The following CSMD3 variants were observed in gnomAD, a reference collection of about 807,000 sequenced individuals.
The protein encoded by CSMD3 is CUB and Sushi multiple domains 3, also known as CUB and sushi domain-containing protein 3.
CSMD3 carries 177 observed loss-of-function variants against 435.2 expected under a neutral mutation model. The ratio of observed to expected loss-of-function variants is 0.41; its 90% CI spans 0.36 to 0.46. The LOEUF (loss-of-function observed/expected upper bound fraction) is 0.46, where lower values mean the gene tolerates loss of function less well. Among genes scored for constraint, CSMD3 ranks in the 20% least tolerant of loss-of-function variants. CSMD3 has a pLI of 0.34. For synonymous variants in CSMD3, 1,656 were observed against 1,520.5 expected (o/e 1.09, Z -2.07); for missense variants, 4,265 against 4,504.6 (o/e 0.95, Z 1.52).
intron 1 of CSMD3, among the ~76,000 whole-genome samples, chr8:113,363,299 T>A (rs13281918): frequency 0.64 from 97,079 of 152,074 alleles, 32,531 homozygotes; most frequent in Admixed American, 0.75. Context: ...TGTTTGTATA[T>A]TTCAAAGTCC....
chr8:112,665,681 G>A (rs566938198), intron 17 of CSMD3, among the ~76,000 whole-genome samples: 2 of 152,194 alleles, frequency 1.3e-5, no homozygotes, highest in African/African-American at 2.4e-5. Flanking sequence ...TGATTTGTAA[G>A]TTGTGATTCA....
intron 27 of CSMD3, among the ~76,000 whole-genome samples, chr8:112,532,299 C>A (rs1825618310): frequency 6.6e-6 from 1 of 151,456 alleles, no homozygotes; most frequent in Admixed American, 6.6e-5. Flanking sequence ...AAAATATATT[C>A]AAAGAAATGA....
intron 6 of CSMD3, among the ~76,000 whole-genome samples, chr8:112,976,969 ATG>A (rs1199476874): frequency 1.3e-5 from 2 of 151,894 alleles, no homozygotes; most frequent in Non-Finnish European, 1.5e-5. Context: ...ATATGTGCGC[ATG>A]TGTGTGTGTA....
intron 5 of CSMD3, among the ~76,000 whole-genome samples, chr8:113,041,208 A>G (rs1387693158): frequency 8.3e-6 from 1 of 120,564 alleles, no homozygotes; most frequent in African/African-American, 3.1e-5. Flanking sequence ...TCCGTCTTAA[A>G]AAAAAAAAAG....
intron 1 of CSMD3, among the ~76,000 whole-genome samples, chr8:113,368,477 C>G (rs1252983157): frequency 6.6e-6 from 1 of 152,084 alleles, no homozygotes; most frequent in South Asian, 2.1e-4. Context: ...TAAATGAGAA[C>G]TTTCTTTTGC....
At chr8:112,873,066 C>G (rs1275184654) in intron 10 of CSMD3, among the ~76,000 whole-genome samples, 1 of 151,966 alleles carries the variant, frequency 6.6e-6, no homozygotes, top group African/African-American at 2.4e-5. Context: ...CATCCTTTCC[C>G]AAATTATCCA....
At chr8:113,222,793 G>T (rs1214097739) in intron 3 of CSMD3, among the ~76,000 whole-genome samples, 3 of 150,898 alleles carry the variant, frequency 2.0e-5, no homozygotes, top group Non-Finnish European at 4.5e-5. Flanking sequence ...TTTTTATAAT[G>T]ATTCCCATGG....
intron 30 of CSMD3, among the ~76,000 whole-genome samples, chr8:112,497,151 T>C (rs1454547057): frequency 6.6e-6 from 1 of 151,552 alleles, no homozygotes; most frequent in African/African-American, 2.4e-5. Flanking sequence ...TTGTGGGAGA[T>C]AAAAATTGAA....
rs975179747 is a variant in CSMD3 at position 113,340,383 on chromosome 8, T to G, written c.179-25590A>C. On this transcript the variant is annotated intron_variant, in intron 1 of 70. Transcript: ENST00000297405. ...ATATATTATACACACCCAGAAGACA[T>G]AAATACTGCTTTAACCACTCAATAT... 1.1e-4 allele frequency among the ~76,000 whole-genome samples: 17 copies of G among 152,234 alleles called. No individual in the cohort carries two copies. The East Asian group carries it at 3.3e-3, about 29-fold the overall frequency.
At chr8:112,479,405 A>G (rs139721400) in intron 31 of CSMD3, among the ~76,000 whole-genome samples, 3 of 152,334 alleles carry the variant, frequency 2.0e-5, no homozygotes, top group African/African-American at 7.2e-5. Flanking sequence ...CTTGCTAGAG[A>G]AATTAGAATG....
At chr8:112,731,171 C>T (rs1309885225) in intron 13 of CSMD3, among the ~76,000 whole-genome samples, 1 of 152,062 alleles carries the variant, frequency 6.6e-6, no homozygotes, top group African/African-American at 2.4e-5. Context: ...AAGACTACCA[C>T]ATCAATGTTG....
chr8:113,100,997 A>G (rs570473647), intron 4 of CSMD3, among the ~76,000 whole-genome samples: 1 of 152,172 alleles, frequency 6.6e-6, no homozygotes, highest in South Asian at 2.1e-4. Flanking sequence ...TCTCACTGAG[A>G]TCTCTATGAG....
chr8:112,356,326 T>TA (rs947956520), intron 38 of CSMD3, among the ~76,000 whole-genome samples: 58 of 152,236 alleles, frequency 3.8e-4, no homozygotes, highest in Admixed American at 2.9e-3. Flanking sequence ...TATGCAGCCA[T>TA]AAAAATACAG....
rs543668157 is a variant in CSMD3, at chr8:113,181,436, T to C, written c.515-7520A>G. ...TATTTCAGCATCAGATGTAGATTTA[T>C]GGTTAAATACAAGGTAGAAAATACT... On this transcript the variant is annotated intron_variant, in intron 3 of 70. Coordinates refer to ENST00000297405, the MANE Select transcript of CSMD3 (RefSeq NM_198123.2). Among the ~76,000 whole-genome samples, 121 of 152,178 alleles carry C rather than the reference T, an allele frequency of 8.0e-4. 1 individual carries two copies. Among genetic ancestry groups the C allele is most frequent in the African/African-American group, 2.7e-3 (113 of 41,566 alleles).
intron 4 of CSMD3, among the ~76,000 whole-genome samples, chr8:113,129,720 C>A (rs773574077): frequency 8.5e-5 from 13 of 152,176 alleles, no homozygotes; most frequent in Non-Finnish European, 1.6e-4. Flanking sequence ...GAAGTATACA[C>A]ACACGTGTAA....
intron 2 of CSMD3, among the ~76,000 whole-genome samples, chr8:113,285,988 C>T (rs2093643940): frequency 2.0e-5 from 3 of 151,984 alleles, no homozygotes; most frequent in Admixed American, 2.0e-4. Flanking sequence ...TTTTTCAGTA[C>T]ATTTTCTCAT....
rs567336782 is a variant in CSMD3, at chr8:112,901,081, G to T, written c.1633+20546C>A. 1.1e-4 allele frequency among the ~76,000 whole-genome samples: 17 copies of T among 151,274 alleles called. No individual in the cohort carries two copies. In the South Asian group the frequency reaches 3.5e-3, roughly 31 times the overall value. ...TGGTTTCAGACAAGTTATGGTGAAG[G>T]TTATGTATACTAAGAATATAAGAAA... On this transcript the variant is annotated intron_variant, in intron 10 of 70. Coordinates refer to ENST00000297405, the MANE Select transcript of CSMD3 (RefSeq NM_198123.2).
intron 2 of CSMD3, among the ~76,000 whole-genome samples, chr8:113,291,572 T>G (rs4403438): frequency 0.63 from 96,195 of 151,534 alleles, 31,309 homozygotes; most frequent in East Asian, 0.74. Context: ...ACTTTTTAAT[T>G]TGGGATTCCT....
chr8:112,760,870 T>C (rs1357192860), intron 13 of CSMD3, among the ~76,000 whole-genome samples: 1 of 152,114 alleles, frequency 6.6e-6, no homozygotes, highest in Non-Finnish European at 1.5e-5. Flanking sequence ...GAGTTAAAAG[T>C]CTTTTGAGGC....
Sources: gnomAD v4.1 joint callset for allele counts (sites outside exome capture counted in the v4.1 genomes callset) on GRCh38, gnomAD v4.1.1 for gene constraint, MANE v1.5 for transcripts, NCBI Gene and HGNC (gene_info 2026-07-23, HGNC 2026-07-21) for gene names.